Variants in FNDC3B observed in about 807,000 individuals in gnomAD.
FNDC3B encodes the protein fibronectin type III domain-containing protein 3B.
In FNDC3B, 12 loss-of-function variants were observed where a neutral mutation model predicts 151.5. The observed-to-expected ratio is 0.08, with a 90% CI of 0.05 to 0.13. FNDC3B has a LOEUF of 0.13. Among genes scored for constraint, FNDC3B ranks in the 10% least tolerant of loss-of-function variants. The pLI is 1.00. For missense variants in FNDC3B, 1,214 were observed against 1,505.3 expected (o/e 0.81, Z 3.20); for synonymous variants, 528 against 549.0 (o/e 0.96, Z 0.54).
chr3:172,344,004 C>G (rs1170177949), intron 18 of FNDC3B, 82 bp from the exon 19 acceptor site: 1 of 1,341,228 alleles, frequency 7.5e-7, no homozygotes, highest in African/African-American at 1.5e-5. Flanking sequence ...TGATATTTTG[C>G]TCAACTTGTG....
intron 22 of FNDC3B, among the ~76,000 whole-genome samples, chr3:172,361,120 C>T (rs1228162440): frequency 6.6e-6 from 1 of 152,092 alleles, no homozygotes; most frequent in African/African-American, 2.4e-5. Flanking sequence ...GTCCATGTCT[C>T]CAAGGTTTGT....
chr3:172,148,655 A>T (rs2108597684), intron 3 of FNDC3B: 1 of 152,282 alleles, frequency 6.6e-6, no homozygotes, highest in South Asian at 2.1e-4. Flanking sequence ...TATTGTAGCA[A>T]TTTAGAACTT....
chr3:172,200,009 T>TCATTCATTCATA (rs1725061798), intron 3 of FNDC3B, among the ~76,000 whole-genome samples: 4 of 151,928 alleles, frequency 2.6e-5, no homozygotes, highest in Admixed American at 2.6e-4. Flanking sequence ...TTGTATTCAT[T>TCATTCATTCATA]CATTCATTCA....
At chr3:172,328,874 A>G (rs1732486678) in intron 11 of FNDC3B, 78 bp from the exon 12 acceptor site, 2 of 1,131,718 alleles carry the variant, frequency 1.8e-6, no homozygotes, top group East Asian at 5.4e-5. Context: ...GATGTTCAAG[A>G]TGCTCCTTCA....
In FNDC3B at chr3:172,201,028, A is replaced by G. The variant is rs149577334; in HGVS notation, c.188-25843A>G. Among the ~76,000 whole-genome samples, 689 of 152,336 alleles carry G rather than the reference A, an allele frequency of 4.5e-3. 3 individuals are homozygous for G. The highest frequency in any genetic ancestry group is 0.016 in the African/African-American group (652 of 41,586). On this transcript the variant is annotated intron_variant, in intron 3 of 25. Transcript: ENST00000415807. The stretch of plus-strand genomic sequence containing the variant: ...TGGGCAGAAAGCTAGAGTTTGAATA[A>G]CACTTGTTAATGGAAACCAACTTCT...
chr3:172,284,077 G>A (rs1380097471), intron 6 of FNDC3B, among the ~76,000 whole-genome samples: 1 of 152,118 alleles, frequency 6.6e-6, no homozygotes, highest in Admixed American at 6.5e-5. Flanking sequence ...ACAAGTTTTT[G>A]TTATTTTTAA....
intron 3 of FNDC3B, among the ~76,000 whole-genome samples, chr3:172,194,061 A>G (rs1576785548): frequency 6.6e-6 from 1 of 152,030 alleles, no homozygotes; most frequent in Non-Finnish European, 1.5e-5. Flanking sequence ...TCTACTAAAA[A>G]TACAAAAAAT....
At chr3:172,124,392 A>G (rs751667560) in intron 2 of FNDC3B, among the ~76,000 whole-genome samples, 1 of 152,242 alleles carries the variant, frequency 6.6e-6, no homozygotes, top group Non-Finnish European at 1.5e-5. Flanking sequence ...CGCCTGGGCC[A>G]ATCTTGGAAC....
chr3:172,180,425 C>T (rs899609791), intron 3 of FNDC3B, among the ~76,000 whole-genome samples: 2 of 152,048 alleles, frequency 1.3e-5, no homozygotes. Context: ...TAGATAGAAC[C>T]CATGGTTCCC....
chr3:172,167,283 C>G (rs1247118710), intron 3 of FNDC3B, among the ~76,000 whole-genome samples: 1 of 152,144 alleles, frequency 6.6e-6, no homozygotes, highest in Non-Finnish European at 1.5e-5. Context: ...GTAGTCCTAG[C>G]TACTCGGGAG....
chr3:172,253,017 TA>T (rs923985989), intron 6 of FNDC3B, among the ~76,000 whole-genome samples: 1 of 152,034 alleles, frequency 6.6e-6, no homozygotes, highest in South Asian at 2.1e-4. Context: ...GAACTCATAC[TA>T]AAAAAAATTA....
intron 6 of FNDC3B, among the ~76,000 whole-genome samples, chr3:172,268,656 T>C (rs181513408): frequency 6.6e-6 from 1 of 152,368 alleles, no homozygotes; most frequent in Admixed American, 6.5e-5. Context: ...TCAACTTTCG[T>C]GGTATTGCTA....
intron 25 of FNDC3B, among the ~76,000 whole-genome samples, chr3:172,390,853 A>T (rs75696383): frequency 6.6e-6 from 1 of 152,140 alleles, no homozygotes; most frequent in Non-Finnish European, 1.5e-5. Flanking sequence ...TTTCAATAAC[A>T]TCATAAAAGA....
At chr3:172,348,121 A>G (rs1392197947) in intron 21 of FNDC3B, among the ~76,000 whole-genome samples, 2 of 152,222 alleles carry the variant, frequency 1.3e-5, no homozygotes, top group Admixed American at 1.3e-4. Context: ...AGAGAGATAC[A>G]AAGATTAATC....
chr3:172,113,361 A>T (rs187597284), intron 2 of FNDC3B, among the ~76,000 whole-genome samples: 1 of 152,360 alleles, frequency 6.6e-6, no homozygotes, highest in African/African-American at 2.4e-5. Context: ...CTAATAATTC[A>T]AATAAGTTAA....
intron 11 of FNDC3B, among the ~76,000 whole-genome samples, chr3:172,316,679 C>T (rs1393427614): frequency 6.6e-6 from 1 of 152,212 alleles, no homozygotes; most frequent in African/African-American, 2.4e-5. Flanking sequence ...ACTGGTGCTG[C>T]TGCAGCTGTC....
rs1560379724 is a variant in FNDC3B at position 172,044,276 on chromosome 3, TCCAACTC to T, written c.-29+4506_-29+4512del. Among the ~76,000 whole-genome samples the T allele has an allele frequency of 6.8e-5, 9 of 131,544 alleles. 1 individual carries two copies. The highest frequency in any genetic ancestry group is 3.2e-4 in the African/African-American group (8 of 25,198). The allele number at this position is 131,544 out of a possible 152,430, so 86.3% of individuals were successfully genotyped here. Reference sequence around the variant, plus strand: ...TGATTTTGTATGGAATAGTGAAAATTCCAACTCTTTTTTTTTTTTTTTTTTTGGTGTG... The same window carrying T: ...TGATTTTGTATGGAATAGTGAAAATTTTTTTTTTTTTTTTTTTTTGGTGTG... On this transcript the variant is annotated intron_variant, in intron 1 of 25. Coordinates refer to ENST00000415807, the MANE Select transcript of FNDC3B (RefSeq NM_022763.4).
chr3:172,202,227 T>C (rs895516394), intron 3 of FNDC3B, among the ~76,000 whole-genome samples: 8 of 152,196 alleles, frequency 5.3e-5, no homozygotes, highest in African/African-American at 1.9e-4. Flanking sequence ...AATGACTCTT[T>C]ATTTGTAAGT....
chr3:172,378,061 A>G (rs1262106254), intron 23 of FNDC3B, among the ~76,000 whole-genome samples: 1 of 152,172 alleles, frequency 6.6e-6, no homozygotes, highest in Non-Finnish European at 1.5e-5. Context: ...CAGTCTTTAT[A>G]TGTGCTTAAG....
Sources: allele counts gnomAD v4.1 joint callset (sites outside exome capture counted in the v4.1 genomes callset), GRCh38; gene constraint gnomAD v4.1.1; transcripts MANE v1.5; gene names NCBI Gene and HGNC (gene_info 2026-07-23, HGNC 2026-07-21).